Variants in PRAMEF2 observed in about 807,000 individuals in gnomAD.
PRAMEF2 encodes PRAME family member 2.
PRAMEF2 carries 35 observed loss-of-function variants against 38.0 expected under a neutral mutation model. The observed-to-expected ratio is 0.92, with a 90% CI of 0.70 to 1.22. PRAMEF2 has a LOEUF of 1.22. Among genes scored for constraint, PRAMEF2 ranks in the 50% most tolerant of loss-of-function variants. The pLI is 0.00. For synonymous variants in PRAMEF2, 240 were observed against 232.4 expected, an observed-to-expected ratio of 1.03 and a Z score of -0.30; for missense variants, 562 against 553.9, an observed-to-expected ratio of 1.01 and a Z score of -0.15.
At chr1:12,858,893 C>T in intron 1 of PRAMEF2, 92 bp from the exon 2 acceptor site, 3 of 1,424,080 alleles carry the variant, frequency 2.1e-6, no homozygotes, top group Non-Finnish European at 2.9e-6. Flanking sequence ...ATTTTTCTAC[C>T]TCTACCAGAG....
In PRAMEF2 at chr1:12,860,149, T is replaced by A. The variant is rs267597977; in HGVS notation, c.744T>A (p.Asp248Glu). Residue 248 changes from aspartate (D) to glutamate (E), a missense_variant, in exon 3 of 4, where the codon GAT (aspartate) becomes GAA (glutamate). By Grantham distance (45) the Asp-to-Glu change is conservative. Coordinates refer to ENST00000240189, the MANE Select transcript of PRAMEF2 (RefSeq NM_023014.1). ...CCAGGTGCCATCATTACACGTCAGA[T>A]AATGAACTCGAGGGATGGTTAGTCA... is the stretch of plus-strand genomic sequence containing the variant. Reference protein sequence around the residue: ...VFSRCHHYTSDNELEGWLVTR... With the variant: ...VFSRCHHYTSENELEGWLVTR... 1.2e-6 allele frequency: 2 copies of A among 1,606,030 alleles called. No individual in the cohort carries two copies. Among genetic ancestry groups the A allele is most frequent in the Non-Finnish European group, 1.7e-6 (2 of 1,176,150 alleles).
rs559928674 is a variant in PRAMEF2 at position 12,859,081 on chromosome 1, C to T, written c.72C>T (p.Ser24=). 1.0e-5 allele frequency: 16 copies of T among 1,605,158 alleles called. No homozygotes were observed. The East Asian group carries it at 3.1e-4, about 31-fold the overall frequency. ...GQSLLRDQAL[S]ISAMEELPRV... ...GCCTGCTGAGAGACCAGGCCTTGTCCATCTCTGCCATGGAGGAGCTGCCCA... is the reference window on the plus strand; with the variant it reads ...GCCTGCTGAGAGACCAGGCCTTGTCTATCTCTGCCATGGAGGAGCTGCCCA... The change falls in exon 2 of 4, where the codon TCC becomes TCT. Residue 24 remains serine, a synonymous_variant. Transcript: ENST00000240189.
rs564565362 is a variant in PRAMEF2 at position 12,860,238 on chromosome 1, C to A, written c.833C>A (p.Thr278Asn). Residue 278 changes from threonine (T) to asparagine (N), a missense_variant, in exon 3 of 4, where the codon ACC becomes AAC. By Grantham distance (65) the Thr-to-Asn change is moderately conservative (BLOSUM62 0). Around this residue, in one of 2 missense-constraint regions of PRAMEF2, gnomAD observed 486 missense variants for 444.2 expected, o/e 1.09. Coordinates refer to ENST00000240189, the MANE Select transcript of PRAMEF2 (RefSeq NM_023014.1). Reference protein sequence around the residue: ...HLQLLKIKLITFFSGHLEQLI... With the variant: ...HLQLLKIKLINFFSGHLEQLI... ...CAGTTGCTTAAAATAAAATTGATCA[C>A]CTTCTTCAGTGGGCACCTGGAACAG... is the stretch of plus-strand genomic sequence containing the variant. 528 of 1,606,840 alleles carry A rather than the reference C, an allele frequency of 3.3e-4. 25 individuals carry two copies. Among genetic ancestry groups the A allele is most frequent in the Admixed American group, 7.1e-4 (41 of 58,084 alleles).
Position 12,860,284 on chromosome 1 carries a change from T to C in PRAMEF2, c.866+13T>C, listed in dbSNP as rs201144653. 1.6e-4 allele frequency: 252 copies of C among 1,589,494 alleles called. 21 individuals carry two copies. In the African/African-American group the frequency reaches 1.9e-3, roughly 12 times the overall value. ...AACAGCTGATCAGGTGAGAAAGGAT[T>C]GTGCACTTTGTATGCAGACCACAGC... On this transcript the variant is annotated intron_variant, in intron 3 of 3. Coordinates refer to ENST00000240189, the MANE Select transcript of PRAMEF2 (RefSeq NM_023014.1).
Position 12,861,235 on chromosome 1 carries a change from C to G in PRAMEF2, c.881C>G (p.Pro294Arg). The G allele has an allele frequency of 6.2e-7, 1 of 1,607,356 alleles. No individual in the cohort carries two copies. The highest frequency in any genetic ancestry group is 8.5e-7 in the Non-Finnish European group (1 of 1,176,516). ...GATCTCCACAGGTGCCTCCAGAACCCCTTGGAGAACTTGGAATTAACTTGT... is the reference window on the plus strand; with the variant it reads ...GATCTCCACAGGTGCCTCCAGAACCGCTTGGAGAACTTGGAATTAACTTGT... ...LEQLIRCLQN[P>R]LENLELTCGN... is the part of the protein sequence containing the mutation. Residue 294 changes from proline to arginine, a missense_variant, in exon 4 of 4, where the codon CCC becomes CGC. Physicochemically the swap from Pro to Arg is moderately radical, Grantham distance 103. Transcript: ENST00000240189.
chr1:12,861,472 T>C lies in PRAMEF2; in HGVS notation c.1118T>C (p.Leu373Pro), dbSNP rs1013614765. 1 of 1,605,842 alleles carries C rather than the reference T, an allele frequency of 6.2e-7. No individual in the cohort carries two copies. Among genetic ancestry groups the C allele is most frequent in the African/African-American group, 1.3e-5 (1 of 74,174 alleles). ...CAACTCAGTGCCATCCTGCCTGGCCTGAGCTGCTGCTCCCAGCTCACCACC... is the reference window on the plus strand; with the variant it reads ...CAACTCAGTGCCATCCTGCCTGGCCCGAGCTGCTGCTCCCAGCTCACCACC... ...YSQLSAILPG[L>P]SCCSQLTTFY... Residue 373 changes from leucine (L) to proline (P), a missense_variant, in exon 4 of 4, where the codon CTG (leucine) becomes CCG (proline). Leu to Pro is a moderately conservative substitution (Grantham distance 98). This residue lies in a region of PRAMEF2 where 486 missense variants were observed against 444.2 expected (regional missense o/e 1.09). Transcript: ENST00000240189.
At position 12,861,430 on chromosome 1, in the gene PRAMEF2, G is replaced by C; in HGVS notation, c.1076G>C (p.Cys359Ser). ...CTCGAGACCCTCGTGTTAGAGGGCT[G>C]TCAGATCCACTACTCCCAACTCAGT... is the stretch of plus-strand genomic sequence containing the variant. The part of the protein sequence containing the change: ...ASLETLVLEG[C>S]QIHYSQLSAI... The change falls in exon 4 of 4, where the codon TGT becomes TCT. Residue 359 changes from cysteine to serine, a missense_variant. Cys to Ser is a moderately radical substitution (Grantham distance 112, BLOSUM62 -1). This residue lies in a region of PRAMEF2 where 486 missense variants were observed against 444.2 expected (regional missense o/e 1.09). Transcript: ENST00000240189. 1 of 1,602,608 alleles carries C rather than the reference G, an allele frequency of 6.2e-7. No homozygotes were observed. Among genetic ancestry groups the C allele is most frequent in the Non-Finnish European group, 8.5e-7 (1 of 1,174,864 alleles).
chr1:12,858,180 C>A (rs1640477370), intron 1 of PRAMEF2, among the ~76,000 whole-genome samples: 1 of 149,980 alleles, frequency 6.7e-6, no homozygotes, highest in African/African-American at 2.4e-5. Flanking sequence ...AAGTGATTCT[C>A]CTTCCTCTGC....
chr1:12,858,365 T>C (rs1376911441), intron 1 of PRAMEF2, among the ~76,000 whole-genome samples: 1 of 150,258 alleles, frequency 6.7e-6, no homozygotes, highest in East Asian at 1.9e-4. Context: ...CAAATGATTC[T>C]TAACTTTTGT....
At chr1:12,857,939 T>C (rs1640473478) in intron 1 of PRAMEF2, among the ~76,000 whole-genome samples, 1 of 146,452 alleles carries the variant, frequency 6.8e-6, no homozygotes, top group South Asian at 2.2e-4. Flanking sequence ...CCTCAGGAGA[T>C]CTGCCCCCCT....
intron 2 of PRAMEF2, 43 bp from the exon 3 acceptor site, chr1:12,859,650 G>T (rs76317893): frequency 6.2e-7 from 1 of 1,604,292 alleles, no homozygotes; most frequent in East Asian, 2.2e-5. Context: ...GGTCAGGGAT[G>T]AGTCCCTCTA....
chr1:12,860,026 T>C lies in PRAMEF2; in HGVS notation c.621T>C (p.Ile207=). The C allele has an allele frequency of 3.7e-6, 6 of 1,606,946 alleles. No individual in the cohort carries two copies. Among genetic ancestry groups the C allele is most frequent in the Non-Finnish European group, 5.1e-6 (6 of 1,176,606 alleles). ...TGAAAATAATATACATTAATAGTAT[T>C]GGGGAGCTGGAAATTCACAACACGT... The part of the protein sequence containing the change: ...KSLKIIYINS[I]GELEIHNTCW... The change falls in exon 3 of 4, where the codon ATT becomes ATC. Residue 207 remains isoleucine (I), a synonymous_variant. Transcript: ENST00000240189.
In PRAMEF2 at chr1:12,859,986, A is replaced by G. The variant is rs143928915; in HGVS notation, c.581A>G (p.Tyr194Cys). 5 of 1,607,774 alleles carry G rather than the reference A, an allele frequency of 3.1e-6. No individual in the cohort carries two copies. Among genetic ancestry groups the G allele is most frequent in the Non-Finnish European group, 3.4e-6 (4 of 1,176,888 alleles). Reference protein sequence around the residue: ...KLVNYLTPIKYLRKSLKIIYI... With the variant: ...KLVNYLTPIKCLRKSLKIIYI... ...GTCAATTATCTAACGCCAATTAAAT[A>G]TCTCAGAAAGTCATTGAAAATAATA... is the stretch of plus-strand genomic sequence containing the variant. The change falls in exon 3 of 4, where the codon TAT becomes TGT. Residue 194 changes from tyrosine (Y) to cysteine (C), a missense_variant. Physicochemically the swap from Tyr to Cys is radical, Grantham distance 194. Transcript: ENST00000240189.
chr1:12,859,127 T>C lies in PRAMEF2; in HGVS notation c.118T>C (p.Phe40Leu). 1.1e-5 allele frequency: 18 copies of C among 1,606,778 alleles called. 1 individual carries two copies. Among genetic ancestry groups the C allele is most frequent in the Non-Finnish European group, 1.5e-5 (18 of 1,176,778 alleles). The stretch of plus-strand genomic sequence containing the variant: ...GCCCAGGGTGCTCTATCTCCCACTC[T>C]TCAGGGAGGCCTTCAGCAGGAGACA... ...ELPRVLYLPL[F>L]REAFSRRHFQ... The change falls in exon 2 of 4, where the codon TTC becomes CTC. Residue 40 changes from phenylalanine (F) to leucine (L), a missense_variant. Physicochemically the swap from Phe to Leu is conservative, Grantham distance 22. Around this residue, in one of 2 missense-constraint regions of PRAMEF2, gnomAD observed 486 missense variants for 444.2 expected, o/e 1.09. Coordinates refer to ENST00000240189, the MANE Select transcript of PRAMEF2 (RefSeq NM_023014.1).
At chr1:12,857,546 T>A (rs928930742) in intron 1 of PRAMEF2, among the ~76,000 whole-genome samples, 1 of 141,670 alleles carries the variant, frequency 7.1e-6, no homozygotes, top group Non-Finnish European at 1.5e-5. Context: ...ATCTCAAGAG[T>A]GCAGTTTTGC....
At chr1:12,858,293 G>A (rs1410253186) in intron 1 of PRAMEF2, among the ~76,000 whole-genome samples, 1 of 150,148 alleles carries the variant, frequency 6.7e-6, no homozygotes, top group Non-Finnish European at 1.5e-5. Flanking sequence ...GTCCAACGCT[G>A]TCACCCAGGC....
At chr1:12,860,589 T>C (rs1345560493) in intron 3 of PRAMEF2, among the ~76,000 whole-genome samples, 3 of 149,896 alleles carry the variant, frequency 2.0e-5, no homozygotes, top group African/African-American at 7.3e-5. Context: ...CAAGTTGATA[T>C]GATGTCAAAG....
Position 12,861,217 on chromosome 1 carries a change from A to G in PRAMEF2, c.867-4A>G. 4.4e-6 allele frequency: 7 copies of G among 1,606,108 alleles called. No homozygotes were observed. The highest frequency in any genetic ancestry group is 5.1e-6 in the Non-Finnish European group (6 of 1,175,390). On this transcript the variant is annotated splice_region_variant and splice_polypyrimidine_tract_variant and intron_variant, in intron 3 of 3. Coordinates refer to ENST00000240189, the MANE Select transcript of PRAMEF2 (RefSeq NM_023014.1). ...GCCCAGAACTAACTTCTTGATCTCC[A>G]CAGGTGCCTCCAGAACCCCTTGGAG...
chr1:12,859,212 C>G lies in PRAMEF2; in HGVS notation c.203C>G (p.Ser68Trp), dbSNP rs17038657. The G allele has an allele frequency of 4.6e-3, 7,484 of 1,609,972 alleles. 582 individuals carry two copies. In the African/African-American group the frequency reaches 0.088, roughly 19 times the overall value. The change falls in exon 2 of 4, where the codon TCG (serine) becomes TGG (tryptophan). Residue 68 changes from serine to tryptophan, a missense_variant. Physicochemically the swap from Ser to Trp is radical, Grantham distance 177. Coordinates refer to ENST00000240189, the MANE Select transcript of PRAMEF2 (RefSeq NM_023014.1). ...CCTTTCACCTGCCTCCCTCTGGTAT[C>G]GCTGATGAAGACGCTTCATCTGGAG... ...AWPFTCLPLVSLMKTLHLEPL... is the reference protein window; with the variant it reads ...AWPFTCLPLVWLMKTLHLEPL...
Sources: allele counts gnomAD v4.1 joint callset (sites outside exome capture counted in the v4.1 genomes callset), GRCh38; gene constraint gnomAD v4.1.1; regional missense constraint gnomAD v4.1.1; transcripts MANE v1.5; gene names NCBI Gene and HGNC (gene_info 2026-07-23, HGNC 2026-07-21).